PHKG2: variants seen among roughly 807,000 people sequenced by gnomAD.
The protein encoded by PHKG2 is phosphorylase kinase catalytic subunit gamma 2, also known as phosphorylase b kinase gamma catalytic chain, liver/testis isoform.
PHKG2 carries 28 observed loss-of-function variants against 44.5 expected under a neutral mutation model. The ratio of observed to expected loss-of-function variants is 0.63; its 90% CI spans 0.47 to 0.86. The LOEUF (loss-of-function observed/expected upper bound fraction) is 0.86. PHKG2 is among the 40% of genes least tolerant of loss of function. PHKG2 has a pLI of 0.00. For missense variants in PHKG2, 498 were observed against 547.5 expected (o/e 0.91, Z 0.90); for synonymous variants, 220 against 211.2 (o/e 1.04, Z -0.36).
chr16:30,751,764 T>C lies in PHKG2; in HGVS notation c.326+161T>C, dbSNP rs911737093. ...TGCCTGCTAGCGCATGGCTCTGGCC[T>C]TCTCCCTTGGTGCCATGATTGAGGC... On this transcript the variant is annotated intron_variant, in intron 4 of 9. Transcript: ENST00000563588. 3.0e-5 allele frequency: 23 copies of C among 774,532 alleles called. No homozygotes were observed. The Admixed American group carries it at 3.8e-4, about 13-fold the overall frequency. 48.0% of individuals were successfully genotyped at this position (774,532 alleles called of 1,614,324 possible). A position where few individuals can be genotyped will look rare whatever the true frequency, so the allele number is the denominator to read the frequency against.
intron 1 of PHKG2, 137 bp downstream of exon 1, chr16:30,748,627 T>C: frequency 2.1e-6 from 1 of 481,788 alleles, no homozygotes; most frequent in Non-Finnish European, 3.8e-6. Flanking sequence ...CCTGCCATCC[T>C]CCCGCCCCCA....
chr16:30,751,539 C>G lies in PHKG2; in HGVS notation c.272-10C>G. 6.2e-7 allele frequency: 1 copy of G among 1,612,330 alleles called. No individual in the cohort carries two copies. Among genetic ancestry groups the G allele is most frequent in the Non-Finnish European group, 8.5e-7 (1 of 1,178,290 alleles). The stretch of plus-strand genomic sequence containing the variant: ...TCTCTGTCTCTCTGCCTCTCTTCCT[C>G]TCTCCCTAGTCACCCTCATCGATTC... On this transcript the variant is annotated splice_polypyrimidine_tract_variant and intron_variant, in intron 3 of 9. Coordinates refer to ENST00000563588, the MANE Select transcript of PHKG2 (RefSeq NM_000294.3).
In PHKG2 at chr16:30,756,523, G is replaced by T; in HGVS notation, c.801+3G>T. On this transcript the variant is annotated splice_donor_region_variant and intron_variant, in intron 8 of 9. Transcript: ENST00000563588. ...GTTCCAGCACTGTCAAAGACCTGGT[G>T]AGCGGGGGCTGAGAGGACAGTAGGG... 1 of 1,612,914 alleles carries T rather than the reference G, an allele frequency of 6.2e-7. No individual in the cohort carries two copies.
chr16:30,756,285 T>C lies in PHKG2; in HGVS notation c.647+13T>C. ...AGGAGGTCGACCTGTGAGTTCCTGG[T>C]CTCCCCCTCCCTCCCGTGCTTGCTG... is the stretch of plus-strand genomic sequence containing the variant. On this transcript the variant is annotated intron_variant, in intron 7 of 9. Transcript: ENST00000563588. 6.2e-7 allele frequency: 1 copy of C among 1,613,852 alleles called. No homozygotes were observed. The highest frequency in any genetic ancestry group is 1.1e-5 in the South Asian group (1 of 91,070).
intron 4 of PHKG2, chr16:30,751,815 T>C: frequency 1.6e-6 from 1 of 620,956 alleles, no homozygotes; most frequent in Non-Finnish European, 3.0e-6. Flanking sequence ...GACTAGTGGC[T>C]GGGTGCAGTG....
In PHKG2 at chr16:30,759,704, C is replaced by T; in HGVS notation, c.*2607C>T. On this transcript the variant is annotated 3_prime_UTR_variant, in exon 10 of 10. Coordinates refer to ENST00000563588, the MANE Select transcript of PHKG2 (RefSeq NM_000294.3). ...CTGGTGAAGTAGCGGTAGCACTCCT[C>T]CACGTTGCCCAAGGGGGTTGCTGGT... 6.2e-7 allele frequency: 1 copy of T among 1,612,490 alleles called. No individual in the cohort carries two copies. The highest frequency in any genetic ancestry group is 8.5e-7 in the Non-Finnish European group (1 of 1,179,102).
In PHKG2 at chr16:30,759,411, G is replaced by A. The variant is rs1408475736; in HGVS notation, c.*2314G>A. The A allele has an allele frequency of 6.2e-7, 1 of 1,614,234 alleles. No homozygotes were observed. Among genetic ancestry groups the A allele is most frequent in the Admixed American group, 1.7e-5 (1 of 60,022 alleles). The stretch of plus-strand genomic sequence containing the variant: ...AAGTGTTGACCACGTAGTCTTCCAA[G>A]GCCAGCAGCTGTTCCTCTTTGAAGA... On this transcript the variant is annotated 3_prime_UTR_variant, in exon 10 of 10. Transcript: ENST00000563588.
chr16:30,757,459 G>T lies in PHKG2; in HGVS notation c.*362G>T, dbSNP rs2053455017. 1 of 1,608,542 alleles carries T rather than the reference G, an allele frequency of 6.2e-7. No individual in the cohort carries two copies. Among genetic ancestry groups the T allele is most frequent in the Non-Finnish European group, 8.5e-7 (1 of 1,176,484 alleles). On this transcript the variant is annotated 3_prime_UTR_variant, in exon 10 of 10. Transcript: ENST00000563588. ...TGCCATTCTGGCCCAGACCTTTATT[G>T]GGGAAAATGTTGGGGGTCACTTGGT...
At position 30,760,449 on chromosome 16, in the gene PHKG2, G is replaced by A. The variant is rs1318452283; in HGVS notation, c.*3352G>A. 1.2e-5 allele frequency: 19 copies of A among 1,613,942 alleles called. No homozygotes were observed. In the East Asian group the frequency reaches 4.2e-4, roughly 36 times the overall value. On this transcript the variant is annotated 3_prime_UTR_variant, in exon 10 of 10. Transcript: ENST00000563588. ...CACCCTAGCTCCAGCAGCTCAGCCA[G>A]CACCCTTGGGAGGGAGAGAGGAGTG...
chr16:30,756,020 G>A (rs1314012559), intron 6 of PHKG2, among the ~76,000 whole-genome samples, 162 bp from the exon 7 acceptor site: 1 of 152,102 alleles, frequency 6.6e-6, no homozygotes, highest in Non-Finnish European at 1.5e-5. Flanking sequence ...CAACTGTTGC[G>A]CAGGGATAGT....
In PHKG2 at chr16:30,751,805, G is replaced by T. The variant is rs2053348899; in HGVS notation, c.326+202G>T. 4.5e-6 allele frequency: 3 copies of T among 663,400 alleles called. No homozygotes were observed. The East Asian group carries it at 8.1e-5, about 18-fold the overall frequency. 41.1% of individuals were successfully genotyped at this position (663,400 alleles called of 1,614,324 possible). ...TGATTGAGGCAAATTCTTTAATAGT[G>T]ACTAGTGGCTGGGTGCAGTGGCTCA... On this transcript the variant is annotated intron_variant, in intron 4 of 9. Transcript: ENST00000563588.
rs137853588 is a variant in PHKG2, at chr16:30,756,191, G to A, written c.566G>A (p.Gly189Glu). 1 of 1,613,822 alleles carries A rather than the reference G, an allele frequency of 6.2e-7. No homozygotes were observed. Among genetic ancestry groups the A allele is most frequent in the Non-Finnish European group, 8.5e-7 (1 of 1,179,724 alleles). ...EPGEKLRELCGTPGYLAPEIL... is the reference protein window; with the variant it reads ...EPGEKLRELCETPGYLAPEIL... Reference sequence around the variant, plus strand: ...GGTCCTCTCTCCCCAGAGTTGTGTGGGACCCCAGGGTATCTAGCGCCAGAG... The same window carrying A: ...GGTCCTCTCTCCCCAGAGTTGTGTGAGACCCCAGGGTATCTAGCGCCAGAG... Residue 189 changes from glycine (G) to glutamate (E), a missense_variant, in exon 7 of 10, where the codon GGG becomes GAG. Coordinates refer to ENST00000563588, the MANE Select transcript of PHKG2 (RefSeq NM_000294.3).
Position 30,753,282 on chromosome 16 carries a change from C to T in PHKG2, c.377C>T (p.Ser126Phe), listed in dbSNP as rs1042747324. The change falls in exon 5 of 10, where the codon TCT (serine) becomes TTT (phenylalanine). Residue 126 changes from serine (S) to phenylalanine (F), a missense_variant. Physicochemically the swap from Ser to Phe is radical, Grantham distance 155. Coordinates refer to ENST00000563588, the MANE Select transcript of PHKG2 (RefSeq NM_000294.3). ...TATCTCACAGAGAAGGTGGCCCTCTCTGAAAAGGAAACCAGGTAAGGGTTG... is the reference window on the plus strand; with the variant it reads ...TATCTCACAGAGAAGGTGGCCCTCTTTGAAAAGGAAACCAGGTAAGGGTTG... The part of the protein sequence containing the change: ...FDYLTEKVAL[S>F]EKETRSIMRS... The T allele has an allele frequency of 6.2e-7, 1 of 1,614,084 alleles. No individual in the cohort carries two copies. Among genetic ancestry groups the T allele is most frequent in the African/African-American group, 1.3e-5 (1 of 75,030 alleles).
intron 3 of PHKG2, 58 bp downstream of exon 3, chr16:30,751,339 G>A: frequency 6.4e-7 from 1 of 1,560,588 alleles, no homozygotes; most frequent in Non-Finnish European, 8.8e-7. Context: ...TGCTGGCCCT[G>A]CCCATAGCCC....
rs1007385048 is a variant in PHKG2 at position 30,759,623 on chromosome 16, A to G, written c.*2526A>G. The G allele has an allele frequency of 6.2e-7, 1 of 1,613,958 alleles. No homozygotes were observed. The highest frequency in any genetic ancestry group is 1.3e-5 in the African/African-American group (1 of 74,934). ...GGTGAGACCTTGTCTGGGGATGGGT[A>G]AAGTTTCCAGAATGTTCCAGGGGAA... On this transcript the variant is annotated 3_prime_UTR_variant, in exon 10 of 10. Transcript: ENST00000563588.
intron 6 of PHKG2, 37 bp downstream of exon 6, chr16:30,753,594 G>A (rs191368660): frequency 6.2e-7 from 1 of 1,604,072 alleles, no homozygotes; most frequent in East Asian, 2.2e-5. Flanking sequence ...CTTGGGAGGG[G>A]AGACCCAGGC....
chr16:30,756,298 C>T (rs1327437613), intron 7 of PHKG2, 26 bp downstream of exon 7: 10 of 1,614,010 alleles, frequency 6.2e-6, no homozygotes, highest in Non-Finnish European at 8.5e-6. Context: ...CCCCCTCCCT[C>T]CCGTGCTTGC....
rs1229980847 is a variant in PHKG2 at position 30,760,979 on chromosome 16, AG to A, written c.*3883del. The A allele has an allele frequency of 1.1e-5, 7 of 618,962 alleles. No individual in the cohort carries two copies. The highest frequency in any genetic ancestry group is 4.3e-4 in the Middle Eastern group (1 of 2,318). 38.3% of individuals were successfully genotyped at this position (618,962 alleles called of 1,614,324 possible). A position where few individuals can be genotyped will look rare whatever the true frequency, so the allele number is the denominator to read the frequency against. On this transcript the variant is annotated 3_prime_UTR_variant, in exon 10 of 10. Transcript: ENST00000563588. Reference sequence around the variant, plus strand: ...TGTACAATACTCCTTAGCGGCCATGAGACTCCATTTACATTCTGTCTTTGGC... The same window carrying A: ...TGTACAATACTCCTTAGCGGCCATGAACTCCATTTACATTCTGTCTTTGGC...
Position 30,756,361 on chromosome 16 carries a change from T to TC in PHKG2, c.648-3dup. On this transcript the variant is annotated splice_region_variant and splice_polypyrimidine_tract_variant and intron_variant, in intron 7 of 9. Coordinates refer to ENST00000563588, the MANE Select transcript of PHKG2 (RefSeq NM_000294.3). ...TAGTCCCGCCTGACTCCAGTCTCTT[T>TC]CCCAGCTGGGCCTGTGGGGTGATCT... 6.2e-7 allele frequency: 1 copy of TC among 1,614,120 alleles called. No individual in the cohort carries two copies. Among genetic ancestry groups the TC allele is most frequent in the Non-Finnish European group, 8.5e-7 (1 of 1,180,024 alleles).
Sources: gnomAD v4.1 joint callset for allele counts (sites outside exome capture counted in the v4.1 genomes callset) on GRCh38, gnomAD v4.1.1 for gene constraint, MANE v1.5 for transcripts, NCBI Gene and HGNC (gene_info 2026-07-23, HGNC 2026-07-21) for gene names.